TDRD3: variants seen among roughly 807,000 people sequenced by gnomAD.
The protein encoded by TDRD3 is tudor domain containing 3.
In TDRD3, 45 loss-of-function variants were observed where a neutral mutation model predicts 86.7. The ratio of observed to expected loss-of-function variants is 0.52; its 90% CI spans 0.41 to 0.67. TDRD3 has a LOEUF of 0.67. Among genes scored for constraint, TDRD3 ranks in the 30% least tolerant of loss-of-function variants. TDRD3 has a pLI of 0.00. For synonymous variants in TDRD3, 298 were observed against 301.7 expected, an observed-to-expected ratio of 0.99 and a Z score of 0.13; for missense variants, 814 against 889.0, an observed-to-expected ratio of 0.92 and a Z score of 1.07.
intron 12 of TDRD3, among the ~76,000 whole-genome samples, chr13:60,560,828 A>T (rs1280682131): frequency 6.6e-6 from 1 of 152,118 alleles, no homozygotes; most frequent in Non-Finnish European, 1.5e-5. Flanking sequence ...TCCTCCCGAA[A>T]TTTTCTGTGA....
At chr13:60,523,942 T>C (rs1203354109) in intron 10 of TDRD3, among the ~76,000 whole-genome samples, 1 of 152,086 alleles carries the variant, frequency 6.6e-6, no homozygotes, top group Non-Finnish European at 1.5e-5. Context: ...TATTAAATGT[T>C]ACCCATTTCT....
chr13:60,458,328 T>C (rs1955725616), intron 3 of TDRD3, among the ~76,000 whole-genome samples: 1 of 152,180 alleles, frequency 6.6e-6, no homozygotes, highest in Admixed American at 6.5e-5. Context: ...AACTAGGTAA[T>C]GTAATGCATG....
intron 13 of TDRD3, among the ~76,000 whole-genome samples, chr13:60,569,793 C>T (rs1327617165): frequency 6.6e-6 from 1 of 152,138 alleles, no homozygotes; most frequent in Non-Finnish European, 1.5e-5. Flanking sequence ...TCATTCTTGA[C>T]ATAGGTGCCA....
At chr13:60,455,995 G>C (rs1301978347) in intron 3 of TDRD3, among the ~76,000 whole-genome samples, 1 of 151,398 alleles carries the variant, frequency 6.6e-6, no homozygotes, top group Non-Finnish European at 1.5e-5. Context: ...ACTTGAACCT[G>C]GGAGGCGGAG....
chr13:60,569,819 G>C (rs1359644835), intron 13 of TDRD3, among the ~76,000 whole-genome samples: 1 of 152,204 alleles, frequency 6.6e-6, no homozygotes, highest in Non-Finnish European at 1.5e-5. Flanking sequence ...ATACATTGGA[G>C]TGATGATAGT....
At chr13:60,557,116 G>A (rs1231445948) in intron 12 of TDRD3, among the ~76,000 whole-genome samples, 1 of 147,702 alleles carries the variant, frequency 6.8e-6, no homozygotes, top group Non-Finnish European at 1.5e-5. Context: ...TGAGGCAGGA[G>A]AATCGCTTGA....
chr13:60,397,479 GC>G, intron 1 of TDRD3, 74 bp downstream of exon 1: 1 of 1,301,478 alleles, frequency 7.7e-7, no homozygotes. Context: ...GTTGGGGGCG[GC>G]GGGGTGCGTG....
At chr13:60,396,023 A>G (rs1433006026), upstream of TDRD3, among the ~76,000 whole-genome samples, 3 of 152,164 alleles carry the variant, frequency 2.0e-5, no homozygotes, top group Admixed American at 2.0e-4. Context: ...GAAATGAGAA[A>G]AATCTGTATT....
intron 11 of TDRD3, among the ~76,000 whole-genome samples, chr13:60,531,762 A>T (rs1595079229): frequency 6.6e-6 from 1 of 152,136 alleles, no homozygotes; most frequent in East Asian, 1.9e-4. Flanking sequence ...AAAAAATAAC[A>T]TCTTCTACAA....
At chr13:60,483,376 T>G (rs1481209821) in intron 5 of TDRD3, among the ~76,000 whole-genome samples, 2 of 152,126 alleles carry the variant, frequency 1.3e-5, no homozygotes, top group African/African-American at 4.8e-5. Context: ...ACTAATAAAT[T>G]TGGTGTCTAA....
At chr13:60,506,819 G>A (rs1461802031) in intron 8 of TDRD3, among the ~76,000 whole-genome samples, 2 of 152,140 alleles carry the variant, frequency 1.3e-5, no homozygotes, top group African/African-American at 2.4e-5. Context: ...TAACCAGCTA[G>A]CATCATAATG....
chr13:60,490,146 G>A (rs1252499003), intron 7 of TDRD3, among the ~76,000 whole-genome samples: 1 of 150,168 alleles, frequency 6.7e-6, no homozygotes, highest in Non-Finnish European at 1.5e-5. Flanking sequence ...AACAAACTTG[G>A]GACTTGTGCA....
In TDRD3 at chr13:60,528,849, A is replaced by G; in HGVS notation, c.1624A>G (p.Ile542Val). The change falls in exon 11 of 14, where the codon ATT becomes GTT. Residue 542 changes from isoleucine to valine, a missense_variant. By Grantham distance (29) the Ile-to-Val change is conservative. Coordinates refer to ENST00000377881, the MANE Select transcript of TDRD3 (RefSeq NM_001146070.2). ...TGGAAAAAGAGAAAGCCAAACATCT[A>G]TTCCTGATTATTTTTATGACAGGAA... is the stretch of plus-strand genomic sequence containing the variant. ...KRGKRESQTS[I>V]PDYFYDRKSQ... 6 of 1,613,322 alleles carry G rather than the reference A, an allele frequency of 3.7e-6. No homozygotes were observed. Among genetic ancestry groups the G allele is most frequent in the Non-Finnish European group, 5.1e-6 (6 of 1,179,810 alleles).
chr13:60,553,722 C>T (rs1246866083), intron 12 of TDRD3, among the ~76,000 whole-genome samples: 1 of 152,008 alleles, frequency 6.6e-6, no homozygotes, highest in Admixed American at 6.6e-5. Context: ...CTCATGAGAA[C>T]TCACTCACTA....
At chr13:60,570,464 T>C (rs1375775477) in intron 13 of TDRD3, among the ~76,000 whole-genome samples, 2 of 152,196 alleles carry the variant, frequency 1.3e-5, no homozygotes, top group East Asian at 3.9e-4. Context: ...TTGGTGGAGA[T>C]GTAAATTAGC....
intron 8 of TDRD3, among the ~76,000 whole-genome samples, chr13:60,508,225 A>G (rs979802672): frequency 6.6e-6 from 1 of 152,196 alleles, no homozygotes; most frequent in African/African-American, 2.4e-5. Flanking sequence ...TGCTATCCCC[A>G]TCAAGCTACC....
At chr13:60,476,715 G>A (rs1373056938) in intron 5 of TDRD3, among the ~76,000 whole-genome samples, 1 of 151,888 alleles carries the variant, frequency 6.6e-6, no homozygotes, top group East Asian at 1.9e-4. Context: ...CCATTTTTTT[G>A]TGTTGTCTCT....
chr13:60,499,575 T>C (rs1956789500), intron 8 of TDRD3, among the ~76,000 whole-genome samples: 1 of 152,206 alleles, frequency 6.6e-6, no homozygotes, highest in African/African-American at 2.4e-5. Context: ...TCTCTTACAG[T>C]GATGACATAT....
chr13:60,546,217 A>G (rs766449406), intron 12 of TDRD3, among the ~76,000 whole-genome samples: 1 of 152,132 alleles, frequency 6.6e-6, no homozygotes, highest in Admixed American at 6.6e-5. Context: ...TTAGAGACTG[A>G]CTTGTATTGG....
Sources: gnomAD v4.1 joint callset for allele counts (sites outside exome capture counted in the v4.1 genomes callset) on GRCh38, gnomAD v4.1.1 for gene constraint, MANE v1.5 for transcripts, NCBI Gene and HGNC (gene_info 2026-07-23, HGNC 2026-07-21) for gene names.